EIF4G3: variants seen among roughly 807,000 people sequenced by gnomAD.
The protein encoded by EIF4G3 is eIF-4-gamma 3.
A neutral mutation model predicts 186.4 loss-of-function variants in EIF4G3; 34 were observed. That is an observed-to-expected ratio of 0.18 (90% CI 0.14 to 0.24). The LOEUF is 0.24. EIF4G3 is among the 10% of genes least tolerant of loss of function. The probability of loss-of-function intolerance (pLI) is 1.00; values close to 1 mark genes in which losing one functional copy is unlikely to be tolerated. For synonymous variants in EIF4G3, 673 were observed against 679.5 expected (o/e 0.99, Z 0.15); for missense variants, 1,536 against 1,948.5 (o/e 0.79, Z 3.99).
In EIF4G3 at chr1:21,051,147, T is replaced by C. The variant is rs189679148; in HGVS notation, c.-195-153A>G. The stretch of plus-strand genomic sequence containing the variant: ...GAACAAACACTTAAAATTTTTAAAA[T>C]TGAAAAAAACAGAATTCTTTAAAAA... On this transcript the variant is annotated intron_variant, in intron 3 of 36. Transcript: ENST00000602326. Among the ~76,000 whole-genome samples, 29 of 152,188 alleles carry C rather than the reference T, an allele frequency of 1.9e-4. No homozygotes were observed. In the South Asian group the frequency reaches 4.6e-3, roughly 24 times the overall value.
chr1:20,973,200 A>T, intron 10 of EIF4G3, 101 bp from the exon 11 acceptor site: 2 of 779,096 alleles, frequency 2.6e-6, no homozygotes, highest in Non-Finnish European at 4.1e-6. Flanking sequence ...TTAAAAGGGT[A>T]AAAACAAAAA....
At chr1:21,035,354 G>T (rs762868107) in intron 4 of EIF4G3, among the ~76,000 whole-genome samples, 1 of 152,216 alleles carries the variant, frequency 6.6e-6, no homozygotes, top group Non-Finnish European at 1.5e-5. Flanking sequence ...TCCTGAGTTG[G>T]CAGGGCAGGA....
At chr1:20,896,682 G>A (rs1484380050) in intron 16 of EIF4G3, among the ~76,000 whole-genome samples, 2 of 152,102 alleles carry the variant, frequency 1.3e-5, no homozygotes, top group Non-Finnish European at 1.5e-5. Flanking sequence ...TAATGTCCTA[G>A]GCTTTTACAT....
At chr1:20,829,086 A>G in intron 31 of EIF4G3, 61 bp downstream of exon 31, 2 of 1,566,048 alleles carry the variant, frequency 1.3e-6, no homozygotes, top group Non-Finnish European at 1.7e-6. Flanking sequence ...ATAGAGAGCT[A>G]GCAAGTGAGT....
At chr1:20,876,759 G>A (rs993200472) in intron 20 of EIF4G3, among the ~76,000 whole-genome samples, 3 of 152,172 alleles carry the variant, frequency 2.0e-5, no homozygotes, top group African/African-American at 7.2e-5. Context: ...ACTTTGGGAG[G>A]CCAAGGCGGG....
At chr1:21,125,840 T>C (rs2097029790) in intron 2 of EIF4G3, among the ~76,000 whole-genome samples, 1 of 151,568 alleles carries the variant, frequency 6.6e-6, no homozygotes, top group Non-Finnish European at 1.5e-5. Flanking sequence ...GACCCTGTTC[T>C]ATGCACATTA....
chr1:21,048,414 T>A (rs896157185), intron 4 of EIF4G3, among the ~76,000 whole-genome samples: 9 of 152,150 alleles, frequency 5.9e-5, no homozygotes, highest in African/African-American at 2.2e-4. Context: ...GTTTTGTCAG[T>A]AGAAGGCTCT....
intron 12 of EIF4G3, among the ~76,000 whole-genome samples, chr1:20,956,613 T>C (rs2096427050): frequency 2.8e-5 from 1 of 35,118 alleles, no homozygotes; most frequent in Non-Finnish European, 7.0e-5. Flanking sequence ...TACAGTATAA[T>C]TTACAAAAAA....
At chr1:20,871,403 A>G (rs1212839898) in intron 20 of EIF4G3, among the ~76,000 whole-genome samples, 2 of 151,990 alleles carry the variant, frequency 1.3e-5, no homozygotes, top group Non-Finnish European at 2.9e-5. Flanking sequence ...AAGATGCCAT[A>G]CCAATAACCA....
At chr1:21,142,392 A>T (rs2097356260) in intron 2 of EIF4G3, among the ~76,000 whole-genome samples, 1 of 151,962 alleles carries the variant, frequency 6.6e-6, no homozygotes, top group African/African-American at 2.4e-5. Context: ...CTGCAGTCCC[A>T]GCTACTCAGG....
chr1:20,858,706 C>T (rs1050804928), intron 24 of EIF4G3, among the ~76,000 whole-genome samples: 13 of 152,126 alleles, frequency 8.5e-5, no homozygotes, highest in African/African-American at 2.7e-4. Flanking sequence ...TAAATACTTG[C>T]TGAATGAGGG....
At chr1:20,919,947 C>A (rs189215492) in intron 14 of EIF4G3, among the ~76,000 whole-genome samples, 17 of 148,834 alleles carry the variant, frequency 1.1e-4, no homozygotes, top group Admixed American at 5.3e-4. Context: ...TTGCTCGTTG[C>A]CCAGGCTGGA....
chr1:21,176,211 G>A lies in EIF4G3; in HGVS notation c.-308C>T, dbSNP rs2098100738. ...CTGAGTCTGGAGGGCCCTGATGTTC[G>A]GGTGAGGAGGGGGGACCGCTGCCGC... On this transcript the variant is annotated 5_prime_UTR_variant, in exon 2 of 37. Transcript: ENST00000602326. 3 of 424,812 alleles carry A rather than the reference G, an allele frequency of 7.1e-6. No individual in the cohort carries two copies. Among genetic ancestry groups the A allele is most frequent in the Admixed American group, 4.4e-5 (1 of 22,952 alleles). The allele number at this position is 424,812 out of a possible 1,614,324, so 26.3% of individuals were successfully genotyped here. A position where few individuals can be genotyped will look rare whatever the true frequency, so the allele number is the denominator to read the frequency against.
At chr1:20,926,985 G>A (rs1280101432) in intron 14 of EIF4G3, among the ~76,000 whole-genome samples, 2 of 151,086 alleles carry the variant, frequency 1.3e-5, no homozygotes, top group East Asian at 3.9e-4. Flanking sequence ...TTAAGGGTTC[G>A]AGGAATTATC....
At chr1:20,855,272 CCA>C (rs2074543611) in intron 25 of EIF4G3, among the ~76,000 whole-genome samples, 1 of 152,112 alleles carries the variant, frequency 6.6e-6, no homozygotes, top group African/African-American at 2.4e-5. Flanking sequence ...TCCCTGGACT[CCA>C]GTTTCCACAA....
intron 3 of EIF4G3, among the ~76,000 whole-genome samples, chr1:21,053,222 G>C (rs1454670926): frequency 6.6e-6 from 1 of 151,798 alleles, no homozygotes; most frequent in Non-Finnish European, 1.5e-5. Context: ...GAGCGTCTCT[G>C]CCCGGCCGCC....
chr1:20,910,167 T>C (rs2092963787), intron 14 of EIF4G3, among the ~76,000 whole-genome samples: 1 of 152,034 alleles, frequency 6.6e-6, no homozygotes, highest in African/African-American at 2.4e-5. Flanking sequence ...AATCAATTAA[T>C]AGGGAGACAA....
At chr1:21,125,754 A>G (rs933288974) in intron 2 of EIF4G3, among the ~76,000 whole-genome samples, 1 of 131,830 alleles carries the variant, frequency 7.6e-6, no homozygotes, top group Admixed American at 7.6e-5. Context: ...AATATATATA[A>G]TTTTTTTATA....
chr1:20,930,282 C>T (rs1171013058), intron 14 of EIF4G3, among the ~76,000 whole-genome samples: 5 of 152,238 alleles, frequency 3.3e-5, no homozygotes, highest in African/African-American at 1.2e-4. Flanking sequence ...TTTGCTCCAA[C>T]ACTTGACTGC....
Sources: gnomAD v4.1 joint callset for allele counts (sites outside exome capture counted in the v4.1 genomes callset) on GRCh38, gnomAD v4.1.1 for gene constraint, MANE v1.5 for transcripts, NCBI Gene and HGNC (gene_info 2026-07-23, HGNC 2026-07-21) for gene names.